The following CNTNAP4 variants were observed in gnomAD, a reference collection of about 807,000 sequenced individuals.
CNTNAP4 encodes the protein contactin-associated protein-like 4.
Under a neutral mutation model 148.4 loss-of-function variants are expected in CNTNAP4, and 98 were observed. That is an observed-to-expected ratio of 0.66 (90% CI 0.56 to 0.78). CNTNAP4 has a LOEUF of 0.78. CNTNAP4 is among the 30% of genes least tolerant of loss of function. The probability of loss-of-function intolerance (pLI) is 0.00; values close to 1 mark genes in which losing one functional copy is unlikely to be tolerated. For missense variants in CNTNAP4, 1,935 were observed against 1,565.6 expected (o/e 1.24, Z -3.98); for synonymous variants, 730 against 565.1 (o/e 1.29, Z -4.14).
intron 3 of CNTNAP4, among the ~76,000 whole-genome samples, chr16:76,377,728 A>AT (rs927504177): frequency 2.6e-5 from 4 of 152,220 alleles, no homozygotes; most frequent in Middle Eastern, 3.4e-3. Context: ...TCTCTCCCTC[A>AT]TTTTTTTCTT....
intron 3 of CNTNAP4, among the ~76,000 whole-genome samples, chr16:76,367,641 C>T (rs1195808143): frequency 6.6e-6 from 1 of 152,172 alleles, no homozygotes; most frequent in Non-Finnish European, 1.5e-5. Flanking sequence ...GGCAACCACA[C>T]AGCATGCACA....
intron 3 of CNTNAP4, among the ~76,000 whole-genome samples, chr16:76,407,232 A>G (rs529015233): frequency 6.6e-5 from 10 of 152,188 alleles, no homozygotes; most frequent in African/African-American, 1.7e-4. Flanking sequence ...TTTGAAACCC[A>G]CTATTGAAGC....
intron 1 of CNTNAP4, among the ~76,000 whole-genome samples, chr16:76,300,084 T>A (rs1259079152): frequency 1.3e-5 from 2 of 152,116 alleles, no homozygotes; most frequent in Non-Finnish European, 2.9e-5. Flanking sequence ...ACACGGCGCA[T>A]GTATACATAT....
At chr16:76,450,268 G>A (rs2080410164) in intron 7 of CNTNAP4, among the ~76,000 whole-genome samples, 1 of 151,918 alleles carries the variant, frequency 6.6e-6, no homozygotes, top group Non-Finnish European at 1.5e-5. Flanking sequence ...TCCTACCTCA[G>A]CCTCCTGAGT....
rs139781053 is a variant in CNTNAP4, at chr16:76,463,927, A to G, written c.1483+1822A>G. 1.1e-3 allele frequency among the ~76,000 whole-genome samples: 169 copies of G among 152,076 alleles called. 2 individuals carry two copies. In the East Asian group the frequency reaches 0.029, roughly 26 times the overall value. On this transcript the variant is annotated intron_variant, in intron 9 of 23. Coordinates refer to ENST00000611870, the MANE Select transcript of CNTNAP4 (RefSeq NM_033401.5). ...TTCTTAAAAAAAATTACGAATCTCA[A>G]GTTTACTTAGGTATCTCTGTTTATT...
intron 3 of CNTNAP4, among the ~76,000 whole-genome samples, chr16:76,385,580 A>AGAGAGT (rs2016442555): frequency 6.8e-6 from 1 of 148,030 alleles, no homozygotes; most frequent in African/African-American, 2.6e-5. Context: ...GTGTGTGTAG[A>AGAGAGT]GAGAGTGAGT....
At chr16:76,535,518 T>C (rs370695208) in intron 17 of CNTNAP4, 27 bp from the exon 18 acceptor site, 3 of 1,608,870 alleles carry the variant, frequency 1.9e-6, no homozygotes, top group African/African-American at 2.7e-5. Flanking sequence ...TAGGAACATG[T>C]TTCCATTTGC....
intron 3 of CNTNAP4, among the ~76,000 whole-genome samples, chr16:76,381,362 C>T (rs1396504926): frequency 1.3e-5 from 2 of 152,052 alleles, no homozygotes; most frequent in Non-Finnish European, 2.9e-5. Flanking sequence ...CCAGTGTTTT[C>T]CCAGAAGAGA....
chr16:76,301,536 A>G lies in CNTNAP4; in HGVS notation c.86-14877A>G, dbSNP rs186246425. ...TTGCAAACAGTATGTGAACTCATGT[A>G]TACTGAAAGACCTGGAAGTACATGA... On this transcript the variant is annotated intron_variant, in intron 1 of 23. Transcript: ENST00000611870. Among the ~76,000 whole-genome samples, 737 of 152,336 alleles carry G rather than the reference A, an allele frequency of 4.8e-3. 2 individuals carry two copies. Among genetic ancestry groups the G allele is most frequent in the African/African-American group, 0.016 (662 of 41,580 alleles).
chr16:76,396,017 C>A (rs970457427), intron 3 of CNTNAP4, among the ~76,000 whole-genome samples: 1 of 152,194 alleles, frequency 6.6e-6, no homozygotes, highest in Admixed American at 6.5e-5. Context: ...GCATGAGCCA[C>A]TGTGTCTAGC....
At chr16:76,365,416 C>A (rs149693799) in intron 3 of CNTNAP4, among the ~76,000 whole-genome samples, 9 of 152,104 alleles carry the variant, frequency 5.9e-5, no homozygotes, top group African/African-American at 1.9e-4. Flanking sequence ...TGAAGAAAGT[C>A]AATGGAGAAA....
At chr16:76,318,581 C>G (rs1008387106) in intron 2 of CNTNAP4, among the ~76,000 whole-genome samples, 2 of 151,078 alleles carry the variant, frequency 1.3e-5, no homozygotes, top group Non-Finnish European at 3.0e-5. Context: ...TTCTTTTTTT[C>G]CCCTGTTAAT....
rs529003621 is a variant in CNTNAP4 at position 76,283,130 on chromosome 16, G to C, written c.85+5383G>C. 2.6e-5 allele frequency among the ~76,000 whole-genome samples: 4 copies of C among 152,068 alleles called. No individual in the cohort carries two copies. In the East Asian group the frequency reaches 5.8e-4, roughly 22 times the overall value. On this transcript the variant is annotated intron_variant, in intron 1 of 23. Transcript: ENST00000611870. ...TAAGTAGACAACGATTAGGGATAAT[G>C]ACATTGGCATTACATGGCTTTGAGT... is the stretch of plus-strand genomic sequence containing the variant.
At chr16:76,369,992 C>T (rs917583409) in intron 3 of CNTNAP4, among the ~76,000 whole-genome samples, 1 of 152,222 alleles carries the variant, frequency 6.6e-6, no homozygotes. Context: ...AATGCAATCT[C>T]TTCTGGAAAC....
intron 3 of CNTNAP4, among the ~76,000 whole-genome samples, chr16:76,368,104 C>T (rs780079801): frequency 2.0e-5 from 3 of 152,146 alleles, no homozygotes; most frequent in African/African-American, 4.8e-5. Context: ...CAACCAGGTA[C>T]AGGTTTTTAG....
At chr16:76,345,155 G>T (rs774417700) in intron 2 of CNTNAP4, among the ~76,000 whole-genome samples, 6 of 152,116 alleles carry the variant, frequency 3.9e-5, no homozygotes, top group Non-Finnish European at 8.8e-5. Context: ...CCTGAAGCTG[G>T]CTGTGACTTT....
rs865929590 is a variant in CNTNAP4 at position 76,369,068 on chromosome 16, A to G, written c.390+13557A>G. Among the ~76,000 whole-genome samples the G allele has an allele frequency of 4.6e-5, 7 of 151,870 alleles. No homozygotes were observed. In the East Asian group the frequency reaches 1.4e-3, roughly 29 times the overall value. On this transcript the variant is annotated intron_variant, in intron 3 of 23. Coordinates refer to ENST00000611870, the MANE Select transcript of CNTNAP4 (RefSeq NM_033401.5). Reference sequence around the variant, plus strand: ...TTTGGTTAAAAAAAAAAGAGCCATTATATAAACAGGCAGTTCATAGAAAGG... The same window carrying G: ...TTTGGTTAAAAAAAAAAGAGCCATTGTATAAACAGGCAGTTCATAGAAAGG...
intron 1 of CNTNAP4, among the ~76,000 whole-genome samples, chr16:76,298,587 C>G (rs755511188): frequency 2.0e-5 from 3 of 150,510 alleles, no homozygotes; most frequent in Non-Finnish European, 4.4e-5. Context: ...TCCACCCAAG[C>G]GGAAGAATTC....
intron 3 of CNTNAP4, among the ~76,000 whole-genome samples, chr16:76,423,387 A>G (rs891629607): frequency 1.6e-4 from 24 of 152,190 alleles, no homozygotes; most frequent in African/African-American, 5.5e-4. Context: ...CCACAAATTT[A>G]GTACACAGGT....
Sources: gnomAD v4.1 joint callset for allele counts (sites outside exome capture counted in the v4.1 genomes callset) on GRCh38, gnomAD v4.1.1 for gene constraint, MANE v1.5 for transcripts, NCBI Gene and HGNC (gene_info 2026-07-23, HGNC 2026-07-21) for gene names.